SEC14L1: variants seen among roughly 807,000 people sequenced by gnomAD.
SEC14L1 encodes SEC14 like lipid binding 1.
A neutral mutation model predicts 85.3 loss-of-function variants in SEC14L1; 48 were observed. The observed-to-expected ratio is 0.56, with a 90% CI of 0.45 to 0.72. The LOEUF is 0.72. Ranked by LOEUF, SEC14L1 falls within the 30% of genes least tolerant of loss-of-function variation. The pLI is 0.00. For synonymous variants in SEC14L1, 391 were observed against 355.5 expected, an observed-to-expected ratio of 1.10 and a Z score of -1.12; for missense variants, 682 against 921.4, an observed-to-expected ratio of 0.74 and a Z score of 3.36.
intron 3 of SEC14L1, among the ~76,000 whole-genome samples, chr17:77,104,954 T>C (rs2143334156): frequency 6.6e-6 from 1 of 151,922 alleles, no homozygotes; most frequent in East Asian, 1.9e-4. Context: ...CATCAATCAA[T>C]ATATGTTAAG....
chr17:77,128,554 G>A (rs1261045180), intron 3 of SEC14L1, among the ~76,000 whole-genome samples: 37 of 151,212 alleles, frequency 2.4e-4, no homozygotes, highest in Admixed American at 2.4e-3. Context: ...TGCTTCTCGG[G>A]TTCAAGTGAT....
intron 13 of SEC14L1, among the ~76,000 whole-genome samples, chr17:77,207,395 G>A (rs143457842): frequency 2.6e-5 from 4 of 151,520 alleles, no homozygotes; most frequent in Non-Finnish European, 4.4e-5. Context: ...CATACCCAGC[G>A]AATTTTTTGT....
At chr17:77,170,827 C>G (rs1974494900) in intron 3 of SEC14L1, among the ~76,000 whole-genome samples, 1 of 152,126 alleles carries the variant, frequency 6.6e-6, no homozygotes, top group Non-Finnish European at 1.5e-5. Flanking sequence ...CTTGAGTGAG[C>G]CCTTTAATAA....
chr17:77,134,845 C>T (rs1483510322), intron 3 of SEC14L1, among the ~76,000 whole-genome samples: 1 of 152,234 alleles, frequency 6.6e-6, no homozygotes, highest in African/African-American at 2.4e-5. Flanking sequence ...CCTCCCACTT[C>T]AGCCTTGTAA....
At chr17:77,207,488 G>C (rs1422668605) in intron 13 of SEC14L1, among the ~76,000 whole-genome samples, 1 of 151,618 alleles carries the variant, frequency 6.6e-6, no homozygotes, top group African/African-American at 2.4e-5. Flanking sequence ...GTCTTGCTCT[G>C]TTGCACAGGC....
intron 3 of SEC14L1, among the ~76,000 whole-genome samples, chr17:77,112,127 C>G (rs1398352736): frequency 1.3e-5 from 2 of 152,124 alleles, no homozygotes; most frequent in Non-Finnish European, 2.9e-5. Context: ...GCCCTTTCCC[C>G]GCTTTGCTCA....
intron 3 of SEC14L1, among the ~76,000 whole-genome samples, chr17:77,189,668 G>C (rs1054647773): frequency 1.3e-5 from 2 of 152,090 alleles, no homozygotes; most frequent in African/African-American, 4.8e-5. Flanking sequence ...TCACTCTGTC[G>C]CCCAGGCTGG....
intron 9 of SEC14L1, 73 bp downstream of exon 9, chr17:77,200,746 C>T: frequency 6.8e-7 from 1 of 1,479,132 alleles, no homozygotes; most frequent in East Asian, 2.3e-5. Context: ...CCAAGGCCTC[C>T]TTCCCTGGAG....
At chr17:77,146,839 G>A (rs1343830954) in intron 3 of SEC14L1, among the ~76,000 whole-genome samples, 1 of 152,134 alleles carries the variant, frequency 6.6e-6, no homozygotes, top group Non-Finnish European at 1.5e-5. Flanking sequence ...TGATGTTTGT[G>A]TGGTGTCCTT....
intron 3 of SEC14L1, among the ~76,000 whole-genome samples, chr17:77,165,811 G>A (rs1598331431): frequency 3.3e-5 from 5 of 152,160 alleles, no homozygotes; most frequent in East Asian, 1.9e-4. Flanking sequence ...AAAGTCTCAT[G>A]AGATTTACAT....
intron 3 of SEC14L1, among the ~76,000 whole-genome samples, chr17:77,166,172 C>T (rs1974269628): frequency 1.3e-5 from 2 of 152,164 alleles, no homozygotes; most frequent in African/African-American, 2.4e-5. Context: ...AACTCCTGGG[C>T]TCAAGTGATC....
intron 14 of SEC14L1, 66 bp from the exon 15 acceptor site, chr17:77,211,884 A>G (rs2280269): frequency 0.62 from 979,493 of 1,582,018 alleles, 305,155 homozygotes; most frequent in Middle Eastern, 0.72. Context: ...GGAGAGCACG[A>G]TGCGCTCGCA....
rs1311455848 is a variant in SEC14L1, at chr17:77,216,108, T to C, written c.*2085T>C. On this transcript the variant is annotated 3_prime_UTR_variant, in exon 17 of 17. Transcript: ENST00000436233. Reference sequence around the variant, plus strand: ...TAGTAGGTAGGGCTAGTAGGTAGGGTTCGTAGGTAGGGTTAGTAGGTAGGG... The same window carrying C: ...TAGTAGGTAGGGCTAGTAGGTAGGGCTCGTAGGTAGGGTTAGTAGGTAGGG... The C allele has an allele frequency of 6.6e-5, 65 of 980,012 alleles. No individual in the cohort carries two copies. In the East Asian group the frequency reaches 1.0e-3, roughly 15 times the overall value. The allele number at this position is 980,012 out of a possible 1,614,324, so 60.7% of individuals were successfully genotyped here.
At chr17:77,128,453 T>G in intron 3 of SEC14L1, among the ~76,000 whole-genome samples, 5 of 111,350 alleles carry the variant, frequency 4.5e-5, no homozygotes, top group South Asian at 2.9e-4. Context: ...TTATTTTATT[T>G]TATTATGTTT....
intron 15 of SEC14L1, chr17:77,212,602 C>T (rs918140588): frequency 2.9e-4 from 55 of 192,246 alleles, no homozygotes; most frequent in African/African-American, 1.3e-3. Context: ...CATTACCAAA[C>T]CTTCTAATTT....
chr17:77,189,140 A>G (rs1315978976), intron 3 of SEC14L1, among the ~76,000 whole-genome samples: 2 of 152,190 alleles, frequency 1.3e-5, no homozygotes, highest in Non-Finnish European at 2.9e-5. Flanking sequence ...ATCAGGCAAC[A>G]CCTCATTCTA....
At chr17:77,118,746 G>C (rs944725857) in intron 3 of SEC14L1, among the ~76,000 whole-genome samples, 2 of 152,222 alleles carry the variant, frequency 1.3e-5, no homozygotes, top group African/African-American at 4.8e-5. Context: ...CGTGCATGCA[G>C]GCGGTGCACC....
At chr17:77,186,344 T>C (rs1394786840) in intron 3 of SEC14L1, among the ~76,000 whole-genome samples, 2 of 152,238 alleles carry the variant, frequency 1.3e-5, no homozygotes, top group Admixed American at 6.5e-5. Context: ...GGAAACGCTC[T>C]CCGCCTCGCT....
Position 77,215,221 on chromosome 17 carries a change from C to G in SEC14L1, c.*1198C>G. 1.0e-6 allele frequency: 1 copy of G among 985,332 alleles called. No individual in the cohort carries two copies. The highest frequency in any genetic ancestry group is 1.2e-6 in the Non-Finnish European group (1 of 829,928). The allele number at this position is 985,332 out of a possible 1,614,324, so 61.0% of individuals were successfully genotyped here. On this transcript the variant is annotated 3_prime_UTR_variant, in exon 17 of 17. Coordinates refer to ENST00000436233, the MANE Select transcript of SEC14L1 (RefSeq NM_001143998.2). ...TTTGCCTTTTACATTTTGTTTAATT[C>G]CTGATTTTAAAGCCTGCTCTATCTG... is the stretch of plus-strand genomic sequence containing the variant.
Sources: gnomAD v4.1 joint callset for allele counts (sites outside exome capture counted in the v4.1 genomes callset) on GRCh38, gnomAD v4.1.1 for gene constraint, MANE v1.5 for transcripts, NCBI Gene and HGNC (gene_info 2026-07-23, HGNC 2026-07-21) for gene names.